MBD5: variants seen among roughly 807,000 people sequenced by gnomAD.
The protein encoded by MBD5 is methyl-CpG binding domain protein 5, also known as methyl-CpG-binding domain protein 5.
In MBD5, 13 loss-of-function variants were observed where a neutral mutation model predicts 117.3. That is an observed-to-expected ratio of 0.11 (90% CI 0.07 to 0.18). The LOEUF (loss-of-function observed/expected upper bound fraction) is 0.18, where lower values mean the gene tolerates loss of function less well. Among genes scored for constraint, MBD5 ranks in the 10% least tolerant of loss-of-function variants. The pLI is 1.00. For synonymous variants in MBD5, 727 were observed against 766.4 expected (o/e 0.95, Z 0.85); for missense variants, 1,879 against 2,093.8 (o/e 0.90, Z 2.00).
At chr2:148,238,996 CAT>C (rs72208627) in intron 3 of MBD5, among the ~76,000 whole-genome samples, 91,903 of 148,812 alleles carry the variant, frequency 0.62, 28,369 homozygotes, top group East Asian at 0.71. Flanking sequence ...ATAACTCTAT[CAT>C]ATATATATAT....
intron 1 of MBD5, among the ~76,000 whole-genome samples, chr2:148,088,629 GAAAT>G (rs1695858408): frequency 2.6e-5 from 4 of 152,050 alleles, no homozygotes; most frequent in African/African-American, 7.2e-5. Context: ...AAATGAAAAA[GAAAT>G]AAAGTTTTTC....
intron 4 of MBD5, among the ~76,000 whole-genome samples, chr2:148,363,014 A>G (rs1361462231): frequency 6.6e-6 from 1 of 152,184 alleles, no homozygotes; most frequent in African/African-American, 2.4e-5. Flanking sequence ...AGGTAGATAA[A>G]TCAATGAAGA....
intron 1 of MBD5, among the ~76,000 whole-genome samples, chr2:148,083,199 T>C (rs1052361256): frequency 6.6e-6 from 1 of 152,250 alleles, no homozygotes; most frequent in Non-Finnish European, 1.5e-5. Flanking sequence ...TATAAAATGT[T>C]AATGAATCTT....
intron 1 of MBD5, among the ~76,000 whole-genome samples, chr2:148,176,162 C>G (rs567842541): frequency 6.6e-6 from 1 of 151,958 alleles, no homozygotes; most frequent in South Asian, 2.1e-4. Context: ...AAAAAGAATA[C>G]TTTATTAAGA....
At chr2:148,106,810 A>G (rs149449990) in intron 1 of MBD5, among the ~76,000 whole-genome samples, 4 of 152,152 alleles carry the variant, frequency 2.6e-5, no homozygotes, top group Admixed American at 6.5e-5. Context: ...TTAATGCAGA[A>G]TATTTTTATT....
At chr2:148,174,693 A>T (rs558059897) in intron 1 of MBD5, among the ~76,000 whole-genome samples, 57 of 152,236 alleles carry the variant, frequency 3.7e-4, no homozygotes, top group African/African-American at 1.3e-3. Context: ...CTGATACAAG[A>T]AAAACTTCTC....
chr2:148,021,582 T>G lies in MBD5; in HGVS notation c.-1027T>G, dbSNP rs1693734418. Reference sequence around the variant, plus strand: ...GGAGCAGCCACTTCCCCAGCTCTCCTCCTCCTCCTTCGCCTCCTCCTCCTC... The same window carrying G: ...GGAGCAGCCACTTCCCCAGCTCTCCGCCTCCTCCTTCGCCTCCTCCTCCTC... On this transcript the variant is annotated 5_prime_UTR_variant, in exon 1 of 14. Coordinates refer to ENST00000642680, the MANE Select transcript of MBD5 (RefSeq NM_001378120.1). 1 of 511,844 alleles carries G rather than the reference T, an allele frequency of 2.0e-6. No individual in the cohort carries two copies. The highest frequency in any genetic ancestry group is 3.8e-6 in the Non-Finnish European group (1 of 263,294). 31.7% of individuals were successfully genotyped at this position (511,844 alleles called of 1,614,324 possible).
chr2:148,410,275 A>G (rs1438348425), intron 4 of MBD5, among the ~76,000 whole-genome samples: 2 of 152,126 alleles, frequency 1.3e-5, no homozygotes, highest in Non-Finnish European at 2.9e-5. Context: ...TGTATTTTGC[A>G]TTTTATGATT....
intron 1 of MBD5, among the ~76,000 whole-genome samples, chr2:148,160,190 G>A (rs1697973631): frequency 6.6e-6 from 1 of 152,178 alleles, no homozygotes; most frequent in Non-Finnish European, 1.5e-5. Flanking sequence ...ACAAGGTCAG[G>A]AGTTTGAGAC....
At chr2:148,204,697 A>G (rs1238361388) in intron 2 of MBD5, among the ~76,000 whole-genome samples, 2 of 152,234 alleles carry the variant, frequency 1.3e-5, no homozygotes, top group African/African-American at 4.8e-5. Context: ...GAAAGTGTTT[A>G]ATATTTTAAA....
intron 3 of MBD5, among the ~76,000 whole-genome samples, chr2:148,261,378 A>G (rs1339188219): frequency 1.3e-5 from 2 of 152,228 alleles, no homozygotes; most frequent in Non-Finnish European, 2.9e-5. Flanking sequence ...GATCTTCTAG[A>G]TAACTTGCTG....
chr2:148,050,162 A>G (rs547465621), intron 1 of MBD5, among the ~76,000 whole-genome samples: 1 of 152,142 alleles, frequency 6.6e-6, no homozygotes, highest in Admixed American at 6.5e-5. Context: ...TCATTAGCAT[A>G]CGAGGGTTCC....
At chr2:148,356,868 A>G (rs1703393176) in intron 4 of MBD5, among the ~76,000 whole-genome samples, 1 of 150,096 alleles carries the variant, frequency 6.7e-6, no homozygotes, top group African/African-American at 2.4e-5. Flanking sequence ...GGATGGTGCT[A>G]TTTCAACCCA....
At chr2:148,442,398 G>A (rs1415481530) in intron 4 of MBD5, among the ~76,000 whole-genome samples, 2 of 151,322 alleles carry the variant, frequency 1.3e-5, no homozygotes, top group Admixed American at 6.6e-5. Context: ...ACAAAAATTA[G>A]CAGGGATTTT....
At chr2:148,397,072 G>C (rs974015403) in intron 4 of MBD5, among the ~76,000 whole-genome samples, 2 of 152,028 alleles carry the variant, frequency 1.3e-5, no homozygotes, top group Admixed American at 1.3e-4. Context: ...GCTGATTTCA[G>C]ATCCCAAATA....
At chr2:148,444,900 G>C (rs114819027) in intron 4 of MBD5, among the ~76,000 whole-genome samples, 1 of 150,884 alleles carries the variant, frequency 6.6e-6, no homozygotes, top group African/African-American at 2.5e-5. Flanking sequence ...GCCTCACATA[G>C]AGTTGATGTC....
chr2:148,359,067 G>C (rs1197316239), intron 4 of MBD5, among the ~76,000 whole-genome samples: 1 of 152,054 alleles, frequency 6.6e-6, no homozygotes, highest in Non-Finnish European at 1.5e-5. Context: ...TTCAAGACCA[G>C]CCTGGGCGAC....
intron 3 of MBD5, among the ~76,000 whole-genome samples, chr2:148,234,726 C>A (rs1409342881): frequency 6.6e-6 from 1 of 152,122 alleles, no homozygotes; most frequent in Admixed American, 6.6e-5. Context: ...TCCACTGCTT[C>A]CTTCAGCAAG....
chr2:148,499,300 T>TA (rs913735676), intron 11 of MBD5, among the ~76,000 whole-genome samples: 65 of 152,054 alleles, frequency 4.3e-4, no homozygotes, highest in African/African-American at 1.5e-3. Flanking sequence ...AAGACCCTGT[T>TA]AAAAAAAATT....
Sources: allele counts gnomAD v4.1 joint callset (sites outside exome capture counted in the v4.1 genomes callset), GRCh38; gene constraint gnomAD v4.1.1; transcripts MANE v1.5; gene names NCBI Gene and HGNC (gene_info 2026-07-23, HGNC 2026-07-21).